Variants in KCNB2 observed in about 807,000 individuals in gnomAD.
KCNB2 encodes delayed rectifier potassium channel protein.
In KCNB2, 15 loss-of-function variants were observed where a neutral mutation model predicts 61.5. The ratio of observed to expected loss-of-function variants is 0.24; its 90% CI spans 0.16 to 0.38. KCNB2 has a LOEUF of 0.38. Ranked by LOEUF, KCNB2 falls within the 10% of genes least tolerant of loss-of-function variation. The probability of loss-of-function intolerance (pLI) is 1.00; values close to 1 mark genes in which losing one functional copy is unlikely to be tolerated. For synonymous variants in KCNB2, 457 were observed against 446.0 expected, an observed-to-expected ratio of 1.02 and a Z score of -0.31; for missense variants, 828 against 1,125.2, an observed-to-expected ratio of 0.74 and a Z score of 3.78.
chr8:72,653,211 T>C (rs1563549640), intron 2 of KCNB2, among the ~76,000 whole-genome samples: 1 of 152,206 alleles, frequency 6.6e-6, no homozygotes, highest in Non-Finnish European at 1.5e-5. Context: ...AAGGTCATAT[T>C]CTGAGGTTCT....
chr8:72,593,131 T>C (rs72668137), intron 2 of KCNB2, among the ~76,000 whole-genome samples: 1,942 of 152,282 alleles, frequency 0.013, 21 homozygotes, highest in Non-Finnish European at 0.02. Flanking sequence ...GTGGTTGTAA[T>C]GTAAATTAGA....
chr8:72,768,593 G>A (rs1404617922), intron 2 of KCNB2, among the ~76,000 whole-genome samples: 2 of 151,854 alleles, frequency 1.3e-5, no homozygotes, highest in South Asian at 4.2e-4. Flanking sequence ...GTTGTTGCTT[G>A]TACTTTTTGG....
At chr8:72,816,220 C>T (rs542935696) in intron 2 of KCNB2, among the ~76,000 whole-genome samples, 1 of 152,250 alleles carries the variant, frequency 6.6e-6, no homozygotes, top group East Asian at 1.9e-4. Context: ...TAGTAATGCT[C>T]ATCACCATGA....
intron 2 of KCNB2, among the ~76,000 whole-genome samples, chr8:72,626,646 G>A (rs770290927): frequency 2.0e-5 from 3 of 152,272 alleles, no homozygotes; most frequent in Non-Finnish European, 4.4e-5. Context: ...GAATAGAAGA[G>A]ACTAAACCTT....
chr8:72,719,018 G>C lies in KCNB2; in HGVS notation c.579+150705G>C, dbSNP rs1242762635. Among the ~76,000 whole-genome samples, 4 of 151,990 alleles carry C rather than the reference G, an allele frequency of 2.6e-5. No homozygotes were observed. In the East Asian group the frequency reaches 7.7e-4, roughly 29 times the overall value. On this transcript the variant is annotated intron_variant, in intron 2 of 2. Transcript: ENST00000523207. ...GGGTTATGGCAAATAGTAGTAACAA[G>C]AGACTTTAGAAAACATCTGAAGAAA...
At chr8:72,681,424 A>G (rs1242266695) in intron 2 of KCNB2, among the ~76,000 whole-genome samples, 4 of 152,176 alleles carry the variant, frequency 2.6e-5, no homozygotes, top group African/African-American at 7.2e-5. Context: ...CAGCACCAGG[A>G]TCATCAATGT....
intron 2 of KCNB2, among the ~76,000 whole-genome samples, chr8:72,711,754 C>A (rs1266252491): frequency 1.4e-5 from 1 of 71,020 alleles, no homozygotes; most frequent in Admixed American, 1.1e-4. Context: ...CTTTGGGAGG[C>A]CAAGGTGGGC....
At chr8:72,647,116 G>C (rs1407798831) in intron 2 of KCNB2, among the ~76,000 whole-genome samples, 1 of 152,064 alleles carries the variant, frequency 6.6e-6, no homozygotes, top group African/African-American at 2.4e-5. Flanking sequence ...GTGCGTGAGG[G>C]GTTGGCAGGC....
intron 2 of KCNB2, among the ~76,000 whole-genome samples, chr8:72,576,354 T>C (rs1806794073): frequency 6.6e-6 from 1 of 152,226 alleles, no homozygotes; most frequent in African/African-American, 2.4e-5. Context: ...CTGTCCACTT[T>C]ACCCAATTTG....
chr8:72,873,543 T>C (rs1444476125), intron 2 of KCNB2, among the ~76,000 whole-genome samples: 3 of 152,234 alleles, frequency 2.0e-5, no homozygotes, highest in Non-Finnish European at 4.4e-5. Flanking sequence ...TGGTGCAAAG[T>C]AGCTTCTCAA....
intron 2 of KCNB2, among the ~76,000 whole-genome samples, chr8:72,588,409 G>A (rs772625677): frequency 5.6e-4 from 85 of 151,820 alleles, no homozygotes; most frequent in Non-Finnish European, 1.0e-3. Flanking sequence ...TAGAGACGGG[G>A]TTTTTCCATG....
chr8:72,886,802 A>T (rs1233672273), intron 2 of KCNB2, among the ~76,000 whole-genome samples: 1 of 152,248 alleles, frequency 6.6e-6, no homozygotes, highest in African/African-American at 2.4e-5. Flanking sequence ...GGCAGCTGGC[A>T]CATTGTGAAC....
intron 2 of KCNB2, among the ~76,000 whole-genome samples, chr8:72,790,678 T>C (rs997424830): frequency 9.2e-5 from 14 of 152,182 alleles, no homozygotes; most frequent in African/African-American, 3.4e-4. Context: ...CTACCTCTTA[T>C]ATTTCTAACA....
At chr8:72,565,296 G>A (rs556460571) in intron 1 of KCNB2, among the ~76,000 whole-genome samples, 109 of 151,986 alleles carry the variant, frequency 7.2e-4, no homozygotes, top group Non-Finnish European at 1.2e-3. Context: ...AGAATCTTTC[G>A]CCTCCAGAAC....
chr8:72,864,133 T>G (rs759440778), intron 2 of KCNB2, among the ~76,000 whole-genome samples: 85 of 152,176 alleles, frequency 5.6e-4, no homozygotes, highest in Non-Finnish European at 4.6e-4. Flanking sequence ...TCTCAACTGA[T>G]TCCCTAATCC....
intron 2 of KCNB2, among the ~76,000 whole-genome samples, chr8:72,733,102 A>G (rs1807778022): frequency 1.3e-5 from 2 of 152,178 alleles, no homozygotes; most frequent in East Asian, 3.8e-4. Context: ...GAACAGAAGG[A>G]GGGAAGGTCA....
chr8:72,855,351 C>A (rs1810189995), intron 2 of KCNB2, among the ~76,000 whole-genome samples: 1 of 152,116 alleles, frequency 6.6e-6, no homozygotes, highest in African/African-American at 2.4e-5. Context: ...CTGAGAAATT[C>A]CAGACAGCTT....
chr8:72,756,186 C>T (rs749328680), intron 2 of KCNB2, among the ~76,000 whole-genome samples: 1 of 152,170 alleles, frequency 6.6e-6, no homozygotes, highest in African/African-American at 2.4e-5. Context: ...CAGCCTTCCA[C>T]GAAGCAGGAG....
At chr8:72,856,081 A>ACAGAT (rs1810203457) in intron 2 of KCNB2, among the ~76,000 whole-genome samples, 1 of 152,214 alleles carries the variant, frequency 6.6e-6, no homozygotes, top group South Asian at 2.1e-4. Context: ...GGTTGAATGA[A>ACAGAT]CAGATACAGA....
Sources: allele counts gnomAD v4.1 joint callset (sites outside exome capture counted in the v4.1 genomes callset), GRCh38; gene constraint gnomAD v4.1.1; transcripts MANE v1.5; gene names NCBI Gene and HGNC (gene_info 2026-07-23, HGNC 2026-07-21).